The following ZNF606 variants were observed in gnomAD, a reference collection of about 807,000 sequenced individuals.
The protein encoded by ZNF606 is zinc finger protein 606.
A neutral mutation model predicts 74.9 loss-of-function variants in ZNF606; 37 were observed. That is an observed-to-expected ratio of 0.49 (90% CI 0.38 to 0.65). ZNF606 has a LOEUF of 0.65. ZNF606 is among the 30% of genes least tolerant of loss of function. The pLI is 0.00. For synonymous variants in ZNF606, 328 were observed against 312.4 expected, an observed-to-expected ratio of 1.05 and a Z score of -0.53; for missense variants, 852 against 952.9, an observed-to-expected ratio of 0.89 and a Z score of 1.39.
Position 58,001,281 on chromosome 19 carries a change from G to T in ZNF606, c.31+8C>A. On this transcript the variant is annotated splice_region_variant and intron_variant, in intron 2 of 6. Transcript: ENST00000551380. ...GGGAGGCCCAGGAGAAACACAACTTGGACTCACCCCAGGAGGCCCACGGGT... is the reference window on the plus strand; with the variant it reads ...GGGAGGCCCAGGAGAAACACAACTTTGACTCACCCCAGGAGGCCCACGGGT... 1 of 1,609,854 alleles carries T rather than the reference G, an allele frequency of 6.2e-7. No individual in the cohort carries two copies. Among genetic ancestry groups the T allele is most frequent in the Non-Finnish European group, 8.5e-7 (1 of 1,177,678 alleles).
intron 2 of ZNF606, among the ~76,000 whole-genome samples, chr19:58,000,991 G>C (rs1165627400): frequency 6.6e-6 from 1 of 152,186 alleles, no homozygotes; most frequent in South Asian, 2.1e-4. Context: ...AAATATATAT[G>C]AGAGCAGTAG....
chr19:58,001,765 T>C (rs2073432917), intron 1 of ZNF606, among the ~76,000 whole-genome samples: 1 of 152,222 alleles, frequency 6.6e-6, no homozygotes, highest in Non-Finnish European at 1.5e-5. Context: ...GGTTTCTTTG[T>C]GGGGTGATGA....
In ZNF606 at chr19:57,978,662, A is replaced by G. The variant is rs2073026665; in HGVS notation, c.2018T>C (p.Ile673Thr). 1 of 1,614,066 alleles carries G rather than the reference A, an allele frequency of 6.2e-7. No homozygotes were observed. Among genetic ancestry groups the G allele is most frequent in the Non-Finnish European group, 8.5e-7 (1 of 1,180,030 alleles). Reference sequence around the variant, plus strand: ...TTTATAGGGTTTCTCACCAGTGTGAATTCTCCGATGAGCAACAAGGTGACA... The same window carrying G: ...TTTATAGGGTTTCTCACCAGTGTGAGTTCTCCGATGAGCAACAAGGTGACA... ...QSCHLVAHRR[I>T]HTGEKPYKCN... Residue 673 changes from isoleucine to threonine, a missense_variant, in exon 7 of 7, where the codon ATT (isoleucine) becomes ACT (threonine). Physicochemically the swap from Ile to Thr is moderately conservative, Grantham distance 89. Transcript: ENST00000551380. The surrounding 1 kb of genome is among the most constrained non-coding windows in gnomAD (Gnocchi z 4.4).
chr19:58,000,570 A>G (rs1427683085), intron 3 of ZNF606, 113 bp downstream of exon 3: 4 of 1,155,168 alleles, frequency 3.5e-6, no homozygotes, highest in Admixed American at 3.5e-5. Context: ...ACAGATCTGG[A>G]CCACCTGCCC....
At chr19:57,998,640 T>C (rs183900132) in intron 4 of ZNF606, 1 of 152,218 alleles carries the variant, frequency 6.6e-6, no homozygotes, top group Non-Finnish European at 1.5e-5. Flanking sequence ...TACTGGTGAT[T>C]GTTGCACAAT....
chr19:57,999,827 A>T lies in ZNF606; in HGVS notation c.158T>A (p.Leu53His). The T allele has an allele frequency of 6.2e-7, 1 of 1,614,042 alleles. No homozygotes were observed. Among genetic ancestry groups the T allele is most frequent in the Middle Eastern group, 1.6e-4 (1 of 6,062 alleles). The change falls in exon 4 of 7, where the codon CTC (leucine) becomes CAC (histidine). Residue 53 changes from leucine (L) to histidine (H), a missense_variant. By Grantham distance (99) the Leu-to-His change is moderately conservative. Around this residue, in one of 3 missense-constraint regions of ZNF606, gnomAD observed 545 missense variants for 542.5 expected, o/e 1.00. Coordinates refer to ENST00000551380, the MANE Select transcript of ZNF606 (RefSeq NM_001348022.3). The part of the protein sequence containing the change: ...SLEEGRRATG[L>H]PAAQVQEPVT... ...TCTCACCTGAACCTGGGCTGCTGGG[A>T]GCCCAGTGGCCCTCCTCCCCTCCTC...
intron 1 of ZNF606, among the ~76,000 whole-genome samples, chr19:58,001,767 G>C (rs1455030827): frequency 6.6e-6 from 1 of 152,154 alleles, no homozygotes; most frequent in East Asian, 1.9e-4. Context: ...TTTCTTTGTG[G>C]GGTGATGAAA....
At chr19:57,991,541 T>C (rs970640074) in intron 4 of ZNF606, among the ~76,000 whole-genome samples, 6 of 152,246 alleles carry the variant, frequency 3.9e-5, no homozygotes, top group Admixed American at 1.3e-4. Flanking sequence ...TGGTGGCTCA[T>C]GCCTGTAATC....
At chr19:57,982,763 A>G (rs1600216356) in intron 6 of ZNF606, among the ~76,000 whole-genome samples, 2 of 152,100 alleles carry the variant, frequency 1.3e-5, no homozygotes, top group South Asian at 4.2e-4. Flanking sequence ...CCTTCCGAGT[A>G]ACAGGACTAC....
chr19:58,001,502 A>G, intron 1 of ZNF606, 132 bp from the exon 2 acceptor site: 1 of 670,224 alleles, frequency 1.5e-6, no homozygotes, highest in South Asian at 1.8e-5. Flanking sequence ...GAGAATTTAC[A>G]TGTCAAAAAA....
chr19:58,000,656 C>T lies in ZNF606; in HGVS notation c.88+27G>A, dbSNP rs1248751599. The T allele has an allele frequency of 1.9e-5, 31 of 1,613,470 alleles. No individual in the cohort carries two copies. The East Asian group carries it at 6.9e-4, about 36-fold the overall frequency. ...CAGCCAGAGGCCACAATATGGCAGC[C>T]CACAGCTGACCAGGCTCTTGACTCA... On this transcript the variant is annotated intron_variant, in intron 3 of 6. Transcript: ENST00000551380.
intron 6 of ZNF606, among the ~76,000 whole-genome samples, chr19:57,982,542 G>A (rs56324261): frequency 0.013 from 1,919 of 152,222 alleles, 54 homozygotes; most frequent in African/African-American, 0.043. Flanking sequence ...TAAAGCCCCA[G>A]GCAGGTCCCA....
intron 3 of ZNF606, 21 bp from the exon 4 acceptor site, chr19:57,999,917 C>A: frequency 1.2e-6 from 2 of 1,610,492 alleles, no homozygotes. Context: ...AGAAAAAAGT[C>A]ATGGAGGCAG....
At position 57,979,776 on chromosome 19, in the gene ZNF606, T is replaced by C; in HGVS notation, c.904A>G (p.Ile302Val). ...ATTCCTTTATGATCACCAAAATGTA[T>C]TATATGATTGAAAGATTTAACAGCA... ...TDAVKSFNHI[I>V]HFGDHKGIHT... The change falls in exon 7 of 7, where the codon ATA becomes GTA. Residue 302 changes from isoleucine to valine, a missense_variant. Physicochemically the swap from Ile to Val is conservative, Grantham distance 29. Around this residue, in one of 3 missense-constraint regions of ZNF606, gnomAD observed 545 missense variants for 542.5 expected, o/e 1.00. Transcript: ENST00000551380. The C allele has an allele frequency of 6.2e-7, 1 of 1,613,502 alleles. No individual in the cohort carries two copies. Among genetic ancestry groups the C allele is most frequent in the South Asian group, 1.1e-5 (1 of 91,056 alleles).
intron 6 of ZNF606, 29 bp from the exon 7 acceptor site, chr19:57,980,308 A>T: frequency 6.4e-7 from 1 of 1,565,826 alleles, no homozygotes. Context: ...AAGCTATGAG[A>T]GCATAGAGAA....
At chr19:57,990,709 A>T (rs2073245533) in intron 4 of ZNF606, among the ~76,000 whole-genome samples, 1 of 151,976 alleles carries the variant, frequency 6.6e-6, no homozygotes, top group South Asian at 2.1e-4. Flanking sequence ...TCTTAGTCAC[A>T]GCTTATGAAC....
chr19:58,002,241 A>AG (rs1468931922), intron 1 of ZNF606, 155 bp downstream of exon 1: 1 of 456,650 alleles, frequency 2.2e-6, no homozygotes, highest in Admixed American at 2.3e-5. Flanking sequence ...GTGAACTGGC[A>AG]GGGGGAGAAA....
intron 4 of ZNF606, among the ~76,000 whole-genome samples, chr19:57,991,688 G>A (rs2073263805): frequency 6.6e-6 from 1 of 152,086 alleles, no homozygotes; most frequent in Non-Finnish European, 1.5e-5. Flanking sequence ...GCTGAGGAAT[G>A]AGAATCTCTT....
At chr19:57,982,532 T>A (rs2073100401) in intron 6 of ZNF606, among the ~76,000 whole-genome samples, 1 of 152,200 alleles carries the variant, frequency 6.6e-6, no homozygotes, top group Non-Finnish European at 1.5e-5. Context: ...CTACAGGGTC[T>A]AAAGCCCCAG....
Sources: allele counts gnomAD v4.1 joint callset (sites outside exome capture counted in the v4.1 genomes callset), GRCh38; gene constraint gnomAD v4.1.1; regional missense constraint gnomAD v4.1.1; non-coding constraint Gnocchi (gnomAD v3.1); transcripts MANE v1.5; gene names NCBI Gene and HGNC (gene_info 2026-07-23, HGNC 2026-07-21).